The following TMEM132B variants were observed in gnomAD, a reference collection of about 807,000 sequenced individuals.
The protein encoded by TMEM132B is transmembrane protein 132B.
In TMEM132B, 18 loss-of-function variants were observed where a neutral mutation model predicts 90.8. The ratio of observed to expected loss-of-function variants is 0.20; its 90% confidence interval spans 0.14 to 0.29. The LOEUF (loss-of-function observed/expected upper bound fraction) is 0.29, where lower values mean the gene tolerates loss of function less well. TMEM132B is among the 10% of genes least tolerant of loss of function. The pLI, the probability that TMEM132B is intolerant of heterozygous loss-of-function variation, is 1.00. For synonymous variants in TMEM132B, 504 were observed against 523.3 expected, an observed-to-expected ratio of 0.96 and a Z score of 0.50; for missense variants, 1,096 against 1,326.8, an observed-to-expected ratio of 0.83 and a Z score of 2.70.
chr12:125,557,800 C>G (rs1010268008), intron 4 of TMEM132B, among the ~76,000 whole-genome samples: 3 of 151,984 alleles, frequency 2.0e-5, no homozygotes, highest in Non-Finnish European at 2.9e-5. Flanking sequence ...GACTGGCTGT[C>G]CGAGTGGCTA....
chr12:125,477,762 C>T (rs1332729944), intron 3 of TMEM132B, among the ~76,000 whole-genome samples: 4 of 152,150 alleles, frequency 2.6e-5, no homozygotes, highest in Admixed American at 6.5e-5. Flanking sequence ...TGTGTTTGAG[C>T]TCTGAGAATG....
intron 3 of TMEM132B, among the ~76,000 whole-genome samples, chr12:125,500,972 T>C (rs1592958354): frequency 6.6e-6 from 1 of 152,158 alleles, no homozygotes; most frequent in African/African-American, 2.4e-5. Flanking sequence ...AAGGAAGTCC[T>C]CAAAGAAACA....
intron 1 of TMEM132B, among the ~76,000 whole-genome samples, chr12:125,201,475 A>C (rs977755568): frequency 1.3e-5 from 2 of 152,260 alleles, no homozygotes; most frequent in African/African-American, 4.8e-5. Flanking sequence ...GGAATGAACT[A>C]CTACAGCACT....
At chr12:125,527,217 T>C (rs1414410045) in intron 4 of TMEM132B, among the ~76,000 whole-genome samples, 1 of 123,296 alleles carries the variant, frequency 8.1e-6, no homozygotes, top group Non-Finnish European at 1.6e-5. Context: ...CATCCATCCA[T>C]CCACCCATCC....
chr12:125,195,394 G>GTTT (rs36005995), intron 1 of TMEM132B, among the ~76,000 whole-genome samples: 2,427 of 89,820 alleles, frequency 0.027, 128 homozygotes, highest in African/African-American at 0.038. Flanking sequence ...GGGTTTGCGG[G>GTTT]TTTTTTTTTT....
chr12:125,303,486 T>C (rs1285759579), intron 1 of TMEM132B, among the ~76,000 whole-genome samples: 1 of 152,236 alleles, frequency 6.6e-6, no homozygotes, highest in East Asian at 1.9e-4. Flanking sequence ...TTTTCAGATC[T>C]TTAGGGTCTA....
chr12:125,316,631 A>G lies in TMEM132B; in HGVS notation c.68-32821A>G, dbSNP rs1446937718. 7.3e-5 allele frequency among the ~76,000 whole-genome samples: 3 copies of G among 40,900 alleles called. No individual in the cohort carries two copies. In the East Asian group the frequency reaches 3.4e-3, roughly 46 times the overall value. The allele number at this position is 40,900 out of a possible 152,430, so 26.8% of individuals were successfully genotyped here. On this transcript the variant is annotated intron_variant, in intron 1 of 8. Transcript: ENST00000682704. ...GTAGATGATTTTCAGCTGAGGTCTG[A>G]GTAGTGGGAAGGGACTGACTATATA...
chr12:125,435,783 G>A (rs1348055209), intron 3 of TMEM132B, among the ~76,000 whole-genome samples: 1 of 152,038 alleles, frequency 6.6e-6, no homozygotes, highest in Non-Finnish European at 1.5e-5. Context: ...CTGTGAAGAG[G>A]TGCTGGACTG....
chr12:125,282,785 G>T (rs928787213), intron 1 of TMEM132B, among the ~76,000 whole-genome samples: 2 of 152,318 alleles, frequency 1.3e-5, no homozygotes, highest in East Asian at 3.9e-4. Context: ...CTGGGAGCAC[G>T]CAGGGAGATG....
At chr12:125,469,777 A>G (rs962766439) in intron 3 of TMEM132B, among the ~76,000 whole-genome samples, 3 of 152,236 alleles carry the variant, frequency 2.0e-5, no homozygotes, top group Non-Finnish European at 2.9e-5. Flanking sequence ...CAGCTGTAAC[A>G]TAAAAGTATT....
chr12:125,656,667 G>C lies in TMEM132B; in HGVS notation c.*1957G>C, dbSNP rs956752761. 1 of 152,260 alleles carries C rather than the reference G, an allele frequency of 6.6e-6. No homozygotes were observed. Among genetic ancestry groups the C allele is most frequent in the African/African-American group, 2.4e-5 (1 of 41,458 alleles). 9.4% of individuals were successfully genotyped at this position (152,260 alleles called of 1,614,324 possible). A position where few individuals can be genotyped will look rare whatever the true frequency, so the allele number is the denominator to read the frequency against. On this transcript the variant is annotated 3_prime_UTR_variant, in exon 9 of 9. Coordinates refer to ENST00000682704, the MANE Select transcript of TMEM132B (RefSeq NM_001366854.1). ...AAAAGGAGCTTGCAGAGAGATGGCT[G>C]ACACTTTATGGGAAGATTCCTCAGT... is the stretch of plus-strand genomic sequence containing the variant.
rs1247748803 is a variant in TMEM132B at position 125,431,006 on chromosome 12, A to C, written c.1106+15329A>C. On this transcript the variant is annotated intron_variant, in intron 3 of 8. Coordinates refer to ENST00000682704, the MANE Select transcript of TMEM132B (RefSeq NM_001366854.1). ...TGAGGTGGCCGGCCCCAGTATGGTC[A>C]GGGGTTGAGCTGGCATGGAGTGAAG... is the stretch of plus-strand genomic sequence containing the variant. Among the ~76,000 whole-genome samples the C allele has an allele frequency of 2.6e-5, 4 of 152,190 alleles. No individual in the cohort carries two copies. The East Asian group carries it at 7.7e-4, about 29-fold the overall frequency.
intron 5 of TMEM132B, among the ~76,000 whole-genome samples, chr12:125,639,201 G>T (rs916717684): frequency 6.6e-6 from 1 of 152,166 alleles, no homozygotes; most frequent in African/African-American, 2.4e-5. Flanking sequence ...CTCACACATA[G>T]AGATCTTAAT....
chr12:125,319,970 T>A (rs1876383511), intron 1 of TMEM132B, among the ~76,000 whole-genome samples: 2 of 152,150 alleles, frequency 1.3e-5, no homozygotes, highest in South Asian at 4.1e-4. Flanking sequence ...TGAGCCCTGA[T>A]TGTGCCATTG....
At chr12:125,550,786 T>C (rs1281333898) in intron 4 of TMEM132B, among the ~76,000 whole-genome samples, 2 of 151,342 alleles carry the variant, frequency 1.3e-5, no homozygotes, top group Non-Finnish European at 2.9e-5. Context: ...GTTTATTTAT[T>C]TATTTTTTTG....
chr12:125,516,098 AACACACACTATCAC>A (rs1883151879), intron 3 of TMEM132B, among the ~76,000 whole-genome samples: 1 of 149,800 alleles, frequency 6.7e-6, no homozygotes, highest in Admixed American at 6.7e-5. Context: ...CACACACACT[AACACACACTATCAC>A]ACACACACTA....
rs1874312963 is a variant in TMEM132B, at chr12:125,251,323, G to A, written c.67+64457G>A. ...ATTCAATATTAAATACCATGAAATA[G>A]CATTTTAGAAAAAAGAACTGGATGG... On this transcript the variant is annotated intron_variant, in intron 1 of 8. Coordinates refer to ENST00000682704, the MANE Select transcript of TMEM132B (RefSeq NM_001366854.1). This position sits in a 1 kb window ranked among gnomAD's most constrained non-coding sequence, Gnocchi z 4.4. Among the ~76,000 whole-genome samples, 1 of 152,188 alleles carries A rather than the reference G, an allele frequency of 6.6e-6. No homozygotes were observed. The highest frequency in any genetic ancestry group is 1.5e-5 in the Non-Finnish European group (1 of 68,016).
intron 1 of TMEM132B, among the ~76,000 whole-genome samples, chr12:125,315,779 C>T (rs1246236447): frequency 6.6e-6 from 1 of 152,112 alleles, no homozygotes; most frequent in Non-Finnish European, 1.5e-5. Context: ...GACCCCATTC[C>T]CCATCTAAAG....
rs549152344 is a variant in TMEM132B, at chr12:125,251,381, A to G, written c.67+64515A>G. Among the ~76,000 whole-genome samples, 3 of 152,328 alleles carry G rather than the reference A, an allele frequency of 2.0e-5. No individual in the cohort carries two copies. Among genetic ancestry groups the G allele is most frequent in the South Asian group, 4.1e-4 (2 of 4,824 alleles). The stretch of plus-strand genomic sequence containing the variant: ...TTTTGCGTCTTGAGATTTTTCTTCA[A>G]GGATGGGGCTTAAGATGGAGTCATA... On this transcript the variant is annotated intron_variant, in intron 1 of 8. Coordinates refer to ENST00000682704, the MANE Select transcript of TMEM132B (RefSeq NM_001366854.1). This position sits in a 1 kb window ranked among gnomAD's most constrained non-coding sequence, Gnocchi z 4.4.
Sources: allele counts gnomAD v4.1 joint callset (sites outside exome capture counted in the v4.1 genomes callset), GRCh38; gene constraint gnomAD v4.1.1; non-coding constraint Gnocchi (gnomAD v3.1); transcripts MANE v1.5; gene names NCBI Gene and HGNC (gene_info 2026-07-23, HGNC 2026-07-21).